LAMA1: variants seen among roughly 807,000 people sequenced by gnomAD.
The protein encoded by LAMA1 is laminin subunit alpha 1.
A neutral mutation model predicts 348.7 loss-of-function variants in LAMA1; 219 were observed. The observed-to-expected ratio is 0.63, with a 90% CI of 0.56 to 0.70. LAMA1 has a LOEUF of 0.70. LAMA1 is among the 30% of genes least tolerant of loss of function. The pLI is 0.00. For synonymous variants in LAMA1, 1,487 were observed against 1,491.0 expected, an observed-to-expected ratio of 1.00 and a Z score of 0.06; for missense variants, 3,744 against 3,888.0, an observed-to-expected ratio of 0.96 and a Z score of 0.99.
chr18:6,979,401 C>T (rs1198504363), intron 42 of LAMA1, among the ~76,000 whole-genome samples: 1 of 152,164 alleles, frequency 6.6e-6, no homozygotes, highest in Non-Finnish European at 1.5e-5. Context: ...GGCACAGTGG[C>T]TCACACTTGT....
intron 22 of LAMA1, among the ~76,000 whole-genome samples, chr18:7,014,556 AGGATACAGTGAGCT>A (rs1416283888): frequency 9.9e-5 from 4 of 40,486 alleles, no homozygotes; most frequent in African/African-American, 3.0e-4. Context: ...CAAGAGGTCA[AGGATACAGTGAGCT>A]TTGAGGATAC....
At chr18:6,970,916 C>T (rs1225372831) in intron 48 of LAMA1, among the ~76,000 whole-genome samples, 3 of 152,086 alleles carry the variant, frequency 2.0e-5, no homozygotes, top group African/African-American at 7.2e-5. Context: ...ACCGCCTGGT[C>T]CTAACTTTTT....
intron 19 of LAMA1, among the ~76,000 whole-genome samples, chr18:7,018,735 C>G (rs1212099536): frequency 6.6e-6 from 1 of 152,122 alleles, no homozygotes; most frequent in Non-Finnish European, 1.5e-5. Flanking sequence ...AGAACATGTA[C>G]AGTGTGTGTC....
rs201198074 is a variant in LAMA1 at position 7,011,518 on chromosome 18, C to T, written c.3508-39G>A. 49 of 1,552,320 alleles carry T rather than the reference C, an allele frequency of 3.2e-5. No individual in the cohort carries two copies. In the East Asian group the frequency reaches 9.0e-4, roughly 29 times the overall value. On this transcript the variant is annotated intron_variant, in intron 24 of 62. Coordinates refer to ENST00000389658, the MANE Select transcript of LAMA1 (RefSeq NM_005559.4). ...GGAGGGGAAAGTGCACTTCAAAATG[C>T]GAACTTTCCACTCCAGTTTCATTCT...
intron 3 of LAMA1, among the ~76,000 whole-genome samples, chr18:7,069,883 C>T (rs1450504452): frequency 6.6e-6 from 1 of 151,998 alleles, no homozygotes; most frequent in African/African-American, 2.4e-5. Flanking sequence ...TTAGACATAC[C>T]CACTCAGGCC....
At chr18:7,116,723 C>T (rs902351351) in intron 1 of LAMA1, among the ~76,000 whole-genome samples, 1 of 152,218 alleles carries the variant, frequency 6.6e-6, no homozygotes, top group African/African-American at 2.4e-5. Context: ...GCGAAGACAG[C>T]TCTAGGGGTG....
intron 3 of LAMA1, among the ~76,000 whole-genome samples, chr18:7,070,237 C>A (rs986860043): frequency 1.3e-5 from 2 of 152,068 alleles, no homozygotes; most frequent in Middle Eastern, 3.4e-3. Context: ...TGGTGGAGGC[C>A]AGTATGAAGT....
chr18:7,039,930 G>A, intron 10 of LAMA1, 146 bp downstream of exon 10: 1 of 868,406 alleles, frequency 1.2e-6, no homozygotes, highest in Non-Finnish European at 1.9e-6. Context: ...AGCCAACTCG[G>A]TGTGGCTTGG....
chr18:7,082,245 T>C (rs1010429011), intron 1 of LAMA1, among the ~76,000 whole-genome samples: 4 of 152,206 alleles, frequency 2.6e-5, no homozygotes, highest in Non-Finnish European at 5.9e-5. Flanking sequence ...CTCTAAAGCA[T>C]TATTCTTAAT....
chr18:7,014,419 G>C (rs2057876140), intron 22 of LAMA1, among the ~76,000 whole-genome samples: 1 of 152,110 alleles, frequency 6.6e-6, no homozygotes, highest in African/African-American at 2.4e-5. Context: ...CCAGGAGTTT[G>C]AGACCAGCCT....
chr18:6,962,855 G>A (rs909314833), intron 51 of LAMA1, among the ~76,000 whole-genome samples: 4 of 152,126 alleles, frequency 2.6e-5, no homozygotes, highest in Non-Finnish European at 4.4e-5. Flanking sequence ...GGGATTATCC[G>A]AAACTCTACT....
chr18:6,944,543 AG>A (rs1157854085), intron 61 of LAMA1, among the ~76,000 whole-genome samples: 2 of 152,234 alleles, frequency 1.3e-5, no homozygotes, highest in African/African-American at 4.8e-5. Flanking sequence ...AATTAAGTAA[AG>A]ATGAGTGACT....
intron 1 of LAMA1, among the ~76,000 whole-genome samples, chr18:7,109,799 AC>A (rs11283980): frequency 0.4 from 61,027 of 151,904 alleles, 13,634 homozygotes; most frequent in East Asian, 0.75. Flanking sequence ...GGAGAACATT[AC>A]GAAGGCGGTA....
In LAMA1 at chr18:7,034,591, C is replaced by T. The variant is rs1300942091; in HGVS notation, c.1939G>A (p.Asp647Asn). The change falls in exon 14 of 63, where the codon GAT becomes AAT. Residue 647 changes from aspartate (D) to asparagine (N), a missense_variant. Physicochemically the swap from Asp to Asn is conservative, Grantham distance 23 (BLOSUM62 1). Coordinates refer to ENST00000389658, the MANE Select transcript of LAMA1 (RefSeq NM_005559.4). ...VVRLVPENFQ[D>N]FHSKRQIDRD... ...TCAATCTGCCTTTTGCTGTGAAAAT[C>T]TTGGAAGTTTTCAGGCACAAGTCTA... 6.2e-7 allele frequency: 1 copy of T among 1,614,048 alleles called. No individual in the cohort carries two copies. The highest frequency in any genetic ancestry group is 8.5e-7 in the Non-Finnish European group (1 of 1,180,032).
At chr18:7,090,685 CAG>C (rs568521876) in intron 1 of LAMA1, among the ~76,000 whole-genome samples, 16 of 129,728 alleles carry the variant, frequency 1.2e-4, no homozygotes, top group Non-Finnish European at 1.3e-4. Flanking sequence ...AGAAAGAGAA[CAG>C]AGAGAGAGAG....
At chr18:7,103,147 G>A (rs12959835) in intron 1 of LAMA1, among the ~76,000 whole-genome samples, 40,260 of 152,170 alleles carry the variant, frequency 0.26, 5,640 homozygotes, top group South Asian at 0.34. Flanking sequence ...GCCAGGCACG[G>A]TGGCTCACGC....
chr18:7,003,125 C>T (rs971668282), intron 29 of LAMA1, among the ~76,000 whole-genome samples: 12 of 152,124 alleles, frequency 7.9e-5, no homozygotes, highest in African/African-American at 2.2e-4. Context: ...TCAGGTGATC[C>T]TCCTGCCTTG....
At chr18:7,014,700 T>G (rs142567322) in intron 22 of LAMA1, among the ~76,000 whole-genome samples, 1 of 152,068 alleles carries the variant, frequency 6.6e-6, no homozygotes, top group Non-Finnish European at 1.5e-5. Context: ...ATACCCAAAT[T>G]TAACTGAAGA....
chr18:7,033,437 T>A (rs9960452), intron 14 of LAMA1, among the ~76,000 whole-genome samples: 1 of 139,812 alleles, frequency 7.2e-6, no homozygotes, highest in Non-Finnish European at 1.5e-5. Flanking sequence ...GCCTGGGTGA[T>A]AGAGGGAGAC....
Sources: allele counts gnomAD v4.1 joint callset (sites outside exome capture counted in the v4.1 genomes callset), GRCh38; gene constraint gnomAD v4.1.1; transcripts MANE v1.5; gene names NCBI Gene and HGNC (gene_info 2026-07-23, HGNC 2026-07-21).